The following PIEZO2 variants were observed in gnomAD, a reference collection of about 807,000 sequenced individuals.
PIEZO2 encodes the protein piezo type mechanosensitive ion channel component 2.
A neutral mutation model predicts 337.3 loss-of-function variants in PIEZO2; 172 were observed. The ratio of observed to expected loss-of-function variants is 0.51; its 90% CI spans 0.45 to 0.58. The LOEUF (loss-of-function observed/expected upper bound fraction) is 0.58, where lower values mean the gene tolerates loss of function less well. PIEZO2 is among the 20% of genes least tolerant of loss of function. The probability of loss-of-function intolerance (pLI) is 0.00; values close to 1 mark genes in which losing one functional copy is unlikely to be tolerated. For missense variants in PIEZO2, 3,028 were observed against 3,391.3 expected, an observed-to-expected ratio of 0.89 and a Z score of 2.66; for synonymous variants, 1,251 against 1,228.5, an observed-to-expected ratio of 1.02 and a Z score of -0.38.
chr18:10,827,782 T>C (rs2040719959), intron 7 of PIEZO2, among the ~76,000 whole-genome samples: 1 of 152,226 alleles, frequency 6.6e-6, no homozygotes, highest in Admixed American at 6.5e-5. Context: ...CATATTCCTC[T>C]CTTCTCTCTA....
chr18:10,776,778 G>A (rs142570996), intron 18 of PIEZO2, among the ~76,000 whole-genome samples: 58 of 152,208 alleles, frequency 3.8e-4, no homozygotes, highest in African/African-American at 1.1e-3. Context: ...TGGACTCTCC[G>A]GGAAAGCCTG....
At chr18:10,809,340 G>A (rs1246843416) in intron 7 of PIEZO2, among the ~76,000 whole-genome samples, 3 of 127,592 alleles carry the variant, frequency 2.4e-5, no homozygotes, top group African/African-American at 2.9e-5. Context: ...GCGCAATCTC[G>A]GCTCACTGCA....
Position 11,127,625 on chromosome 18 carries a change from G to A in PIEZO2, c.64+20900C>T, listed in dbSNP as rs546139893. Among the ~76,000 whole-genome samples, 100 of 151,930 alleles carry A rather than the reference G, an allele frequency of 6.6e-4. No homozygotes were observed. The highest frequency in any genetic ancestry group is 1.6e-4 in the Non-Finnish European group (11 of 68,012). ...ACTGGCTCTCCTTGCTCCTCAGCTT[G>A]CAGAAAGCCTATTGTGGGACCTTGT... is the stretch of plus-strand genomic sequence containing the variant. On this transcript the variant is annotated intron_variant, in intron 1 of 55. Coordinates refer to ENST00000674853, the MANE Select transcript of PIEZO2 (RefSeq NM_001378183.1). The surrounding 1 kb of genome is among the most constrained non-coding windows in gnomAD (Gnocchi z 4.5).
At chr18:11,061,979 G>A (rs927829658) in intron 2 of PIEZO2, among the ~76,000 whole-genome samples, 58 of 152,254 alleles carry the variant, frequency 3.8e-4, no homozygotes, top group African/African-American at 1.4e-3. Flanking sequence ...GAACAAAGCT[G>A]GAGGCATCAT....
intron 2 of PIEZO2, among the ~76,000 whole-genome samples, chr18:11,007,869 C>G (rs1478357705): frequency 6.6e-6 from 1 of 152,128 alleles, no homozygotes; most frequent in East Asian, 1.9e-4. Flanking sequence ...GCTAAAAGTT[C>G]TTCAGGAAGG....
chr18:11,140,585 T>A (rs188288569), intron 1 of PIEZO2, among the ~76,000 whole-genome samples: 1 of 152,258 alleles, frequency 6.6e-6, no homozygotes, highest in African/African-American at 2.4e-5. Flanking sequence ...GGGACTTGAG[T>A]CTAGCTAAGG....
At chr18:10,691,444 C>A in intron 47 of PIEZO2, 61 bp from the exon 48 acceptor site, 1 of 1,531,186 alleles carries the variant, frequency 6.5e-7, no homozygotes, top group African/African-American at 1.4e-5. Context: ...AAAAGGATGG[C>A]AGTGTCAAAT....
Position 11,112,352 on chromosome 18 carries a change from G to A in PIEZO2, c.64+36173C>T, listed in dbSNP as rs535706955. Among the ~76,000 whole-genome samples the A allele has an allele frequency of 2.0e-5, 3 of 152,156 alleles. No homozygotes were observed. Among genetic ancestry groups the A allele is most frequent in the African/African-American group, 7.2e-5 (3 of 41,446 alleles). On this transcript the variant is annotated intron_variant, in intron 1 of 55. Transcript: ENST00000674853. The surrounding 1 kb of genome is among the most constrained non-coding windows in gnomAD (Gnocchi z 4.3). ...GAGATATTCTGATCCACCCATTTAAGTAAAGGCCTGGTCCAGTCATTCTGA... is the reference window on the plus strand; with the variant it reads ...GAGATATTCTGATCCACCCATTTAAATAAAGGCCTGGTCCAGTCATTCTGA...
chr18:10,876,911 A>G (rs1338938651), intron 4 of PIEZO2, among the ~76,000 whole-genome samples: 1 of 152,182 alleles, frequency 6.6e-6, no homozygotes, highest in Non-Finnish European at 1.5e-5. Flanking sequence ...CAAGTGACCC[A>G]TTCCAATTCT....
At chr18:11,144,722 G>A (rs2040762786) in intron 1 of PIEZO2, among the ~76,000 whole-genome samples, 1 of 152,186 alleles carries the variant, frequency 6.6e-6, no homozygotes, top group Non-Finnish European at 1.5e-5. Flanking sequence ...TTGTTTGTGG[G>A]ACACAGTCCC....
At chr18:10,978,840 T>G (rs575306704) in intron 3 of PIEZO2, among the ~76,000 whole-genome samples, 226 of 152,334 alleles carry the variant, frequency 1.5e-3, no homozygotes, top group African/African-American at 4.9e-3. Context: ...TTTCACCTAC[T>G]TGACTGCTTC....
Position 10,724,817 on chromosome 18 carries a change from C to T in PIEZO2, c.5030-6558G>A, listed in dbSNP as rs2036463512. On this transcript the variant is annotated intron_variant, in intron 36 of 55. Transcript: ENST00000674853. This position sits in a 1 kb window ranked among gnomAD's most constrained non-coding sequence, Gnocchi z 5.8. ...CCCCAGCCTGAGCAGCAGTCGTTCTCACAGATGCACCTGGGCCACGGCGGC... is the reference window on the plus strand; with the variant it reads ...CCCCAGCCTGAGCAGCAGTCGTTCTTACAGATGCACCTGGGCCACGGCGGC... 6.3e-7 allele frequency: 1 copy of T among 1,595,458 alleles called. No individual in the cohort carries two copies. The highest frequency in any genetic ancestry group is 8.5e-7 in the Non-Finnish European group (1 of 1,169,768).
intron 3 of PIEZO2, among the ~76,000 whole-genome samples, chr18:10,970,108 T>C (rs967054834): frequency 7.9e-5 from 12 of 152,186 alleles, no homozygotes. Context: ...TAATGACTGA[T>C]ACTCTGGGTA....
intron 27 of PIEZO2, among the ~76,000 whole-genome samples, chr18:10,755,743 G>C (rs1038166641): frequency 1.4e-4 from 21 of 152,156 alleles, no homozygotes; most frequent in Non-Finnish European, 2.2e-4. Flanking sequence ...ACACTGCTCA[G>C]GAAGAGCACA....
At chr18:11,123,553 A>G (rs918128580) in intron 1 of PIEZO2, among the ~76,000 whole-genome samples, 1 of 152,196 alleles carries the variant, frequency 6.6e-6, no homozygotes, top group African/African-American at 2.4e-5. Flanking sequence ...TCATGCCTGT[A>G]ATCCCAGCAC....
At chr18:10,712,825 AC>A (rs2035872036) in intron 39 of PIEZO2, among the ~76,000 whole-genome samples, 2 of 152,356 alleles carry the variant, frequency 1.3e-5, no homozygotes, top group Middle Eastern at 3.4e-3. Flanking sequence ...ATGAATTAAA[AC>A]TTTAAACCAA....
At chr18:11,133,923 G>C (rs918948082) in intron 1 of PIEZO2, among the ~76,000 whole-genome samples, 2 of 151,752 alleles carry the variant, frequency 1.3e-5, no homozygotes, top group Non-Finnish European at 2.9e-5. Flanking sequence ...GTCCCTCTAA[G>C]AGAACCTTGA....
rs1463342839 is a variant in PIEZO2 at position 11,035,088 on chromosome 18, A to G, written c.160+31039T>C. Among the ~76,000 whole-genome samples the G allele has an allele frequency of 6.6e-6, 1 of 152,086 alleles. No individual in the cohort carries two copies. Among genetic ancestry groups the G allele is most frequent in the Non-Finnish European group, 1.5e-5 (1 of 68,008 alleles). On this transcript the variant is annotated intron_variant, in intron 2 of 55. Transcript: ENST00000674853. This position sits in a 1 kb window ranked among gnomAD's most constrained non-coding sequence, Gnocchi z 4.3. ...GCAAGCTCATTCACTTTCGAAATCA[A>G]TTTATTACAGAGTGTGTAGAAGGGG...
intron 2 of PIEZO2, among the ~76,000 whole-genome samples, chr18:10,996,234 G>C (rs2035315314): frequency 6.6e-6 from 1 of 152,164 alleles, no homozygotes; most frequent in African/African-American, 2.4e-5. Context: ...AAGACCCTCA[G>C]AGACATTTTC....
Sources: gnomAD v4.1 joint callset for allele counts (sites outside exome capture counted in the v4.1 genomes callset) on GRCh38, gnomAD v4.1.1 for gene constraint, Gnocchi (gnomAD v3.1) non-coding constraint, MANE v1.5 for transcripts, NCBI Gene and HGNC (gene_info 2026-07-23, HGNC 2026-07-21) for gene names.